RBFOX1: variants seen among roughly 807,000 people sequenced by gnomAD.
RBFOX1 encodes RNA binding fox-1 homolog 1.
A neutral mutation model predicts 57.7 loss-of-function variants in RBFOX1; 8 were observed. The observed-to-expected ratio is 0.14, with a 90% CI of 0.08 to 0.25. The LOEUF (loss-of-function observed/expected upper bound fraction) is 0.25. RBFOX1 is among the 10% of genes least tolerant of loss of function. The pLI is 1.00. For synonymous variants in RBFOX1, 326 were observed against 222.4 expected (o/e 1.47, Z -4.15); for missense variants, 611 against 548.5 (o/e 1.11, Z -1.14).
intron 3 of RBFOX1, among the ~76,000 whole-genome samples, chr16:6,817,588 T>C (rs1055061235): frequency 1.3e-5 from 2 of 150,380 alleles, no homozygotes; most frequent in African/African-American, 4.9e-5. Flanking sequence ...TGCGTGTAAT[T>C]GCAGCTACTC....
At chr16:5,363,827 C>G (rs546133685) in intron 1 of RBFOX1, among the ~76,000 whole-genome samples, 29 of 152,324 alleles carry the variant, frequency 1.9e-4, no homozygotes, top group African/African-American at 6.3e-4. Context: ...TTCCCAGCAT[C>G]TTTCATTTCT....
intron 3 of RBFOX1, among the ~76,000 whole-genome samples, chr16:6,940,607 T>A (rs1000525285): frequency 2.0e-5 from 3 of 152,132 alleles, no homozygotes; most frequent in Non-Finnish European, 4.4e-5. Flanking sequence ...TACACTTCTT[T>A]TCTTTTTTGA....
At chr16:5,959,616 C>A (rs753374303) in intron 4 of RBFOX1, among the ~76,000 whole-genome samples, 1 of 152,150 alleles carries the variant, frequency 6.6e-6, no homozygotes, top group East Asian at 1.9e-4. Context: ...AGCAAAAATA[C>A]AACTGAGTTT....
chr16:6,761,134 T>C (rs2076540059), intron 3 of RBFOX1, among the ~76,000 whole-genome samples: 1 of 152,192 alleles, frequency 6.6e-6, no homozygotes, highest in African/African-American at 2.4e-5. Flanking sequence ...CTTAGAAATT[T>C]TCATCATGAT....
chr16:6,621,380 C>T lies in RBFOX1; in HGVS notation c.-63-33223C>T, dbSNP rs184465813. On this transcript the variant is annotated intron_variant, in intron 2 of 15. Coordinates refer to ENST00000550418, the MANE Select transcript of RBFOX1 (RefSeq NM_018723.4). ...TCGGGAGGCTGAGGCAGGAGAATGG[C>T]GTGAACCCGGGAGGCGGAGCTTGCA... 5.3e-3 allele frequency among the ~76,000 whole-genome samples: 812 copies of T among 152,282 alleles called. 5 individuals carry two copies. The highest frequency in any genetic ancestry group is 0.019 in the African/African-American group (773 of 41,566).
chr16:6,760,702 G>A (rs374742879), intron 3 of RBFOX1, among the ~76,000 whole-genome samples: 1 of 152,150 alleles, frequency 6.6e-6, no homozygotes, highest in Non-Finnish European at 1.5e-5. Flanking sequence ...TTTGTATTTA[G>A]GTTATAAAAA....
intron 3 of RBFOX1, among the ~76,000 whole-genome samples, chr16:7,001,648 G>A (rs2092817688): frequency 6.6e-6 from 1 of 151,942 alleles, no homozygotes; most frequent in Admixed American, 6.6e-5. Flanking sequence ...GTAGAGACAG[G>A]GTTTCACCAT....
chr16:5,416,988 C>T (rs950926240), intron 1 of RBFOX1, among the ~76,000 whole-genome samples: 1 of 152,124 alleles, frequency 6.6e-6, no homozygotes, highest in Non-Finnish European at 1.5e-5. Flanking sequence ...TAAAACCCAG[C>T]CCGCTGAAAA....
At chr16:6,776,271 C>A (rs1420963323) in intron 3 of RBFOX1, among the ~76,000 whole-genome samples, 1 of 151,812 alleles carries the variant, frequency 6.6e-6, no homozygotes, top group Non-Finnish European at 1.5e-5. Flanking sequence ...ATTAGCCGGG[C>A]GTGGTGGCGG....
At chr16:7,026,128 G>A (rs2153683268) in intron 3 of RBFOX1, among the ~76,000 whole-genome samples, 1 of 152,256 alleles carries the variant, frequency 6.6e-6, no homozygotes, top group Non-Finnish European at 1.5e-5. Flanking sequence ...GGTGGAAATG[G>A]CAGCCAGAAG....
intron 3 of RBFOX1, among the ~76,000 whole-genome samples, chr16:5,677,856 G>A (rs1052593124): frequency 2.0e-5 from 3 of 152,166 alleles, no homozygotes; most frequent in Non-Finnish European, 4.4e-5. Context: ...GATGGATTAT[G>A]GGTATGAGGG....
At chr16:6,110,359 G>T (rs1439584920) in intron 1 of RBFOX1, among the ~76,000 whole-genome samples, 1 of 151,762 alleles carries the variant, frequency 6.6e-6, no homozygotes, top group Non-Finnish European at 1.5e-5. Flanking sequence ...CAGAATTCTA[G>T]GTAGGCACTG....
chr16:6,864,995 CTTTTTTT>C (rs34341448), intron 3 of RBFOX1, among the ~76,000 whole-genome samples: 37 of 82,566 alleles, frequency 4.5e-4, no homozygotes, highest in Non-Finnish European at 4.7e-4. Context: ...TTTTCTTTTT[CTTTTTTT>C]TTTTTTTTTT....
At chr16:5,865,756 A>G (rs550051542) in intron 3 of RBFOX1, among the ~76,000 whole-genome samples, 7 of 152,322 alleles carry the variant, frequency 4.6e-5, no homozygotes, top group East Asian at 3.9e-4. Flanking sequence ...AGCTTAACCA[A>G]CAGGAATATA....
At chr16:6,974,018 A>G (rs1244668696) in intron 3 of RBFOX1, among the ~76,000 whole-genome samples, 2 of 152,168 alleles carry the variant, frequency 1.3e-5, no homozygotes, top group Admixed American at 1.3e-4. Flanking sequence ...TTAAGTAAGA[A>G]CATATAGTAT....
chr16:6,460,763 T>A (rs2094898668), intron 2 of RBFOX1, among the ~76,000 whole-genome samples: 1 of 148,286 alleles, frequency 6.7e-6, no homozygotes, highest in Admixed American at 6.9e-5. Context: ...GCCAAAGGAA[T>A]ATAAATCATT....
At chr16:6,415,270 C>T (rs909014116) in intron 2 of RBFOX1, among the ~76,000 whole-genome samples, 8 of 144,126 alleles carry the variant, frequency 5.6e-5, no homozygotes, top group African/African-American at 7.7e-5. Context: ...AAAAAAATAG[C>T]GTTCAGGTTG....
chr16:7,545,333 G>A (rs984584838), intron 5 of RBFOX1, among the ~76,000 whole-genome samples: 14 of 151,812 alleles, frequency 9.2e-5, no homozygotes, highest in East Asian at 1.9e-4. Context: ...TGGAGGTGGC[G>A]GCATTGTTTG....
chr16:5,441,305 G>A (rs200713572), intron 1 of RBFOX1, among the ~76,000 whole-genome samples: 1 of 150,392 alleles, frequency 6.6e-6, no homozygotes, highest in Non-Finnish European at 1.5e-5. Flanking sequence ...GTATTAGTCT[G>A]TTCTCATGCT....
Sources: allele counts gnomAD v4.1 joint callset (sites outside exome capture counted in the v4.1 genomes callset), GRCh38; gene constraint gnomAD v4.1.1; transcripts MANE v1.5; gene names NCBI Gene and HGNC (gene_info 2026-07-23, HGNC 2026-07-21).